Variants in TULP4 observed in about 807,000 individuals in gnomAD.
TULP4 encodes tubby-related protein 4.
A neutral mutation model predicts 129.0 loss-of-function variants in TULP4; 16 were observed. That is an observed-to-expected ratio of 0.12 (90% CI 0.08 to 0.19). TULP4 has a LOEUF of 0.19. Among genes scored for constraint, TULP4 ranks in the 10% least tolerant of loss-of-function variants. The probability of loss-of-function intolerance (pLI) is 1.00; values close to 1 mark genes in which losing one functional copy is unlikely to be tolerated. For missense variants in TULP4, 1,842 were observed against 2,059.1 expected, an observed-to-expected ratio of 0.89 and a Z score of 2.04; for synonymous variants, 998 against 854.0, an observed-to-expected ratio of 1.17 and a Z score of -2.94.
intron 1 of TULP4, among the ~76,000 whole-genome samples, chr6:158,315,370 T>C (rs927518356): frequency 2.0e-5 from 3 of 152,128 alleles, no homozygotes; most frequent in Admixed American, 6.5e-5. Flanking sequence ...GAGGGCTCCA[T>C]TCTCATGACT....
chr6:158,405,595 C>G (rs1777962163), intron 1 of TULP4, among the ~76,000 whole-genome samples: 1 of 150,790 alleles, frequency 6.6e-6, no homozygotes, highest in South Asian at 2.1e-4. Flanking sequence ...CCTGGGAGAG[C>G]AAGGAGCAAG....
At chr6:158,237,234 A>G (rs1291194716) in intron 1 of TULP4, 3 of 795,270 alleles carry the variant, frequency 3.8e-6, no homozygotes, top group South Asian at 1.6e-5. Flanking sequence ...AAATATGGAG[A>G]TGAAGAGGGA....
chr6:158,275,873 G>A (rs1189619052), intron 1 of TULP4, among the ~76,000 whole-genome samples: 1 of 152,196 alleles, frequency 6.6e-6, no homozygotes, highest in East Asian at 1.9e-4. Context: ...AAAGTACTGA[G>A]GGAGGGTAGG....
intron 9 of TULP4, among the ~76,000 whole-genome samples, chr6:158,490,664 C>A (rs1780179299): frequency 6.6e-6 from 1 of 152,202 alleles, no homozygotes. Flanking sequence ...GAAAGTCTGC[C>A]TGTGCTCCCT....
At chr6:158,270,969 G>A (rs1315358185) in intron 1 of TULP4, among the ~76,000 whole-genome samples, 2 of 152,086 alleles carry the variant, frequency 1.3e-5, no homozygotes, top group Non-Finnish European at 2.9e-5. Flanking sequence ...GGCCAACATG[G>A]TGAAACCCTG....
In TULP4 at chr6:158,501,944, G is replaced by A. The variant is rs369570435; in HGVS notation, c.2281G>A (p.Val761Met). 2.3e-4 allele frequency: 374 copies of A among 1,614,022 alleles called. No individual in the cohort carries two copies. The highest frequency in any genetic ancestry group is 3.0e-4 in the Non-Finnish European group (356 of 1,179,998). Residue 761 changes from valine (V) to methionine (M), a missense_variant, in exon 13 of 14, where the codon GTG (valine) becomes ATG (methionine). Coordinates refer to ENST00000367097, the MANE Select transcript of TULP4 (RefSeq NM_020245.5). The part of the protein sequence containing the change: ...SNPGQVIFGS[V>M]EMGRIIQNPP... Reference sequence around the variant, plus strand: ...TCCTGGACAGGTGATTTTCGGAAGCGTGGAAATGGGCCGCATCATTCAGAA... The same window carrying A: ...TCCTGGACAGGTGATTTTCGGAAGCATGGAAATGGGCCGCATCATTCAGAA...
At chr6:158,258,474 T>G (rs1447248305) in intron 1 of TULP4, among the ~76,000 whole-genome samples, 1 of 151,982 alleles carries the variant, frequency 6.6e-6, no homozygotes, top group African/African-American at 2.4e-5. Flanking sequence ...AGCTGATGAG[T>G]TGGTGTAGAA....
At chr6:158,464,002 G>A (rs539861704) in intron 6 of TULP4, among the ~76,000 whole-genome samples, 1 of 152,172 alleles carries the variant, frequency 6.6e-6, no homozygotes, top group South Asian at 2.1e-4. Flanking sequence ...CCTCCTCCCA[G>A]TCCATGAGAA....
intron 12 of TULP4, 50 bp downstream of exon 12, chr6:158,498,862 T>A: frequency 2.5e-6 from 4 of 1,605,556 alleles, no homozygotes; most frequent in Non-Finnish European, 3.4e-6. Flanking sequence ...TGTCAGTAGA[T>A]CATGCAAGGG....
intron 1 of TULP4, among the ~76,000 whole-genome samples, chr6:158,263,804 T>C (rs901356830): frequency 1.3e-5 from 2 of 151,192 alleles, no homozygotes; most frequent in African/African-American, 4.9e-5. Flanking sequence ...GGCTCATGCC[T>C]GTAATCACAG....
chr6:158,474,809 A>G (rs1189701257), intron 6 of TULP4, among the ~76,000 whole-genome samples: 3 of 152,188 alleles, frequency 2.0e-5, no homozygotes, highest in African/African-American at 7.2e-5. Flanking sequence ...GAAATACTCC[A>G]ATGAATATTT....
chr6:158,474,540 C>T (rs1779771726), intron 6 of TULP4, among the ~76,000 whole-genome samples: 1 of 152,194 alleles, frequency 6.6e-6, no homozygotes, highest in Admixed American at 6.5e-5. Context: ...GCTCAAACCA[C>T]CTCCAGGGCA....
intron 6 of TULP4, among the ~76,000 whole-genome samples, chr6:158,479,212 C>T (rs1779884246): frequency 6.6e-6 from 1 of 152,120 alleles, no homozygotes; most frequent in Non-Finnish European, 1.5e-5. Context: ...GGGAACCACC[C>T]TTGGGTAATT....
chr6:158,308,554 C>A (rs1446735325), upstream of TULP4, among the ~76,000 whole-genome samples: 3 of 151,992 alleles, frequency 2.0e-5, no homozygotes, highest in Admixed American at 2.0e-4. Flanking sequence ...GGCAGAGGGG[C>A]TCTTCACTTC....
Position 158,504,186 on chromosome 6 carries a change from C to T in TULP4, c.4515+8C>T. 2.6e-6 allele frequency: 4 copies of T among 1,557,754 alleles called. No individual in the cohort carries two copies. The highest frequency in any genetic ancestry group is 1.7e-6 in the Non-Finnish European group (2 of 1,148,474). On this transcript the variant is annotated splice_region_variant and intron_variant, in intron 13 of 13. Transcript: ENST00000367097. ...GAGTTAGAGGGGCGGCAGGTAAGAC[C>T]TCAGACCAGGTGGCGCTGCGAGCCC...
At chr6:158,494,897 C>T (rs371205390) in intron 11 of TULP4, 51 bp downstream of exon 11, 17 of 1,517,120 alleles carry the variant, frequency 1.1e-5, no homozygotes, top group African/African-American at 8.2e-5. Flanking sequence ...CAAACTAAAA[C>T]GTCCAGTTTC....
chr6:158,329,753 A>G (rs1046770705), intron 1 of TULP4, among the ~76,000 whole-genome samples: 2 of 152,162 alleles, frequency 1.3e-5, no homozygotes, highest in East Asian at 1.9e-4. Flanking sequence ...TCACTTAAAC[A>G]TGACCAAAGA....
chr6:158,236,795 C>CTTTTTTCTTTTTTTTTTTTTTTTTT (rs1777713310), intron 1 of TULP4, among the ~76,000 whole-genome samples: 1 of 63,292 alleles, frequency 1.6e-5, no homozygotes, highest in Non-Finnish European at 3.1e-5. Context: ...CAATTCTTTT[C>CTTTTTTCTTTTTTTTTTTTTTTTTT]TTTTTTTTTT....
intron 3 of TULP4, among the ~76,000 whole-genome samples, chr6:158,435,926 C>CT (rs11303299): frequency 0.028 from 4,136 of 146,978 alleles, 186 homozygotes; most frequent in African/African-American, 0.09. Flanking sequence ...AACTGGGACT[C>CT]TTTTTTTTTT....
Sources: gnomAD v4.1 joint callset for allele counts (sites outside exome capture counted in the v4.1 genomes callset) on GRCh38, gnomAD v4.1.1 for gene constraint, MANE v1.5 for transcripts, NCBI Gene and HGNC (gene_info 2026-07-23, HGNC 2026-07-21) for gene names.